DPH6: variants seen among roughly 807,000 people sequenced by gnomAD.
DPH6 encodes diphthine--ammonia ligase.
Under a neutral mutation model 38.2 loss-of-function variants are expected in DPH6, and 33 were observed. That is an observed-to-expected ratio of 0.86 (90% CI 0.65 to 1.15). DPH6 has a LOEUF of 1.15. Ranked by LOEUF, DPH6 falls within the 50% of genes most tolerant of loss-of-function variation. DPH6 has a pLI of 0.00. For synonymous variants in DPH6, 108 were observed against 103.0 expected, an observed-to-expected ratio of 1.05 and a Z score of -0.30; for missense variants, 325 against 320.0, an observed-to-expected ratio of 1.02 and a Z score of -0.12.
chr15:35,378,680 A>G (rs1019211899), intron 7 of DPH6, among the ~76,000 whole-genome samples: 6 of 152,196 alleles, frequency 3.9e-5, no homozygotes, highest in African/African-American at 1.4e-4. Flanking sequence ...TTTCAGGGAC[A>G]AGGATGAAGC....
rs772949681 is a variant in DPH6, at chr15:35,542,510, A to G, written c.24-3T>C. ...TATAGCAGCTGTCCTTCCCACCACT[A>G]AACAATAAATCAAGAGAGGGACAAA... On this transcript the variant is annotated splice_region_variant and splice_polypyrimidine_tract_variant and intron_variant, in intron 1 of 8. Coordinates refer to ENST00000256538, the MANE Select transcript of DPH6 (RefSeq NM_080650.4). The G allele has an allele frequency of 1.9e-6, 3 of 1,543,374 alleles. No individual in the cohort carries two copies. The highest frequency in any genetic ancestry group is 2.7e-6 in the Non-Finnish European group (3 of 1,126,802).
intron 3 of DPH6, among the ~76,000 whole-genome samples, chr15:35,535,454 A>G (rs979988492): frequency 6.6e-6 from 1 of 152,202 alleles, no homozygotes; most frequent in African/African-American, 2.4e-5. Context: ...ATAAACCAAG[A>G]AAAAGGAAGA....
At chr15:35,239,221 T>C (rs189873031) in intron 3 of DPH6, among the ~76,000 whole-genome samples, 13,117 of 143,546 alleles carry the variant, frequency 0.091, 2,156 homozygotes, top group African/African-American at 0.14. Context: ...AAGCGGCCTC[T>C]TTTTACTCTC....
At chr15:35,521,782 C>G (rs1338697167) in intron 3 of DPH6, 7 of 1,236,436 alleles carry the variant, frequency 5.7e-6, no homozygotes, top group Non-Finnish European at 7.1e-6. Context: ...ATTGTTGATT[C>G]ATATACAAGC....
chr15:35,444,056 C>T (rs2053820913), intron 5 of DPH6, among the ~76,000 whole-genome samples: 1 of 152,160 alleles, frequency 6.6e-6, no homozygotes, highest in South Asian at 2.1e-4. Context: ...CACTGCTATA[C>T]TCTGGCCCAG....
In DPH6 at chr15:35,352,559, C is replaced by T. The variant is rs533039292; in HGVS notation, n.207+20962G>A. The stretch of plus-strand genomic sequence containing the variant: ...GGTTTTTTGTCCTTGCGATAGTTTG[C>T]TGAGAATGATGGTTTCCAGCTTCAT... On this transcript the variant is annotated intron_variant and non_coding_transcript_variant, in intron 3 of 3. Coordinates refer to the DPH6 transcript ENST00000558973. Among the ~76,000 whole-genome samples the T allele has an allele frequency of 1.6e-3, 250 of 152,236 alleles. 1 individual carries two copies. Among genetic ancestry groups the T allele is most frequent in the Non-Finnish European group, 3.0e-3 (206 of 68,030 alleles).
chr15:35,302,320 G>C (rs1483336339), intron 3 of DPH6, among the ~76,000 whole-genome samples: 2 of 152,078 alleles, frequency 1.3e-5, no homozygotes, highest in Admixed American at 6.5e-5. Flanking sequence ...ATGATCATTT[G>C]TTTCTTTATT....
intron 3 of DPH6, among the ~76,000 whole-genome samples, chr15:35,235,311 G>C (rs1476070780): frequency 2.0e-5 from 3 of 152,170 alleles, no homozygotes; most frequent in Non-Finnish European, 4.4e-5. Context: ...TCCCATGCAA[G>C]ACAACTTTTG....
intron 3 of DPH6, among the ~76,000 whole-genome samples, chr15:35,310,719 AC>A (rs2052134019): frequency 6.6e-6 from 1 of 151,976 alleles, no homozygotes. Context: ...CCTTCTGATT[AC>A]TAATAGTACC....
At chr15:35,149,684 A>G in the DPH6 span, among the ~76,000 whole-genome samples, 4 of 152,180 alleles carry the variant, frequency 2.6e-5, no homozygotes, top group African/African-American at 9.7e-5. Flanking sequence ...TGCAAAGCCA[A>G]TGTACACTTT....
intron 3 of DPH6, among the ~76,000 whole-genome samples, chr15:35,340,858 G>T (rs1385706845): frequency 6.6e-6 from 1 of 151,878 alleles, no homozygotes; most frequent in African/African-American, 2.4e-5. Context: ...ATGTGTCTGG[G>T]GATTGATCTT....
intron 3 of DPH6, among the ~76,000 whole-genome samples, chr15:35,257,741 T>C (rs1233833570): frequency 6.6e-6 from 1 of 151,134 alleles, no homozygotes; most frequent in African/African-American, 2.4e-5. Context: ...ATGCTAGCAC[T>C]CAAAACAGTA....
chr15:35,294,315 TA>T (rs1412842477), intron 3 of DPH6, among the ~76,000 whole-genome samples: 2 of 152,204 alleles, frequency 1.3e-5, no homozygotes, highest in South Asian at 2.1e-4. Context: ...GAAGCTGCCT[TA>T]GACTTGCTGT....
chr15:35,342,068 T>C (rs1164383796), intron 3 of DPH6, among the ~76,000 whole-genome samples: 9 of 152,170 alleles, frequency 5.9e-5, no homozygotes, highest in African/African-American at 2.2e-4. Flanking sequence ...CTGGCTGGAA[T>C]TGCAAGCCAG....
intron 3 of DPH6, among the ~76,000 whole-genome samples, chr15:35,270,079 GT>G (rs1555390286): frequency 4.7e-5 from 7 of 150,412 alleles, no homozygotes; most frequent in South Asian, 2.1e-4. Flanking sequence ...GATTACAGGC[GT>G]GAGCCACCGC....
intron 5 of DPH6, among the ~76,000 whole-genome samples, chr15:35,445,898 TTC>T (rs1443689252): frequency 1.3e-5 from 2 of 152,230 alleles, no homozygotes; most frequent in Non-Finnish European, 2.9e-5. Context: ...GCAGAGCAGT[TTC>T]TGTCTCCAGT....
intron 3 of DPH6, among the ~76,000 whole-genome samples, chr15:35,526,212 G>A (rs1019037002): frequency 6.6e-6 from 1 of 152,154 alleles, no homozygotes; most frequent in South Asian, 2.1e-4. Context: ...ACCTAGGAAA[G>A]AATCCGTAAG....
At chr15:35,183,566 A>C in the DPH6 span, among the ~76,000 whole-genome samples, 1 of 152,234 alleles carries the variant, frequency 6.6e-6, no homozygotes, top group African/African-American at 2.4e-5. Flanking sequence ...GTATCTTTAA[A>C]AATATTAACT....
chr15:35,520,190 A>T, intron 3 of DPH6: 2 of 526,842 alleles, frequency 3.8e-6, no homozygotes, highest in Non-Finnish European at 4.8e-6. Flanking sequence ...GCTACAGATC[A>T]ATCACTCTCA....
Sources: gnomAD v4.1 joint callset for allele counts (sites outside exome capture counted in the v4.1 genomes callset) on GRCh38, gnomAD v4.1.1 for gene constraint, MANE v1.5 for transcripts, NCBI Gene and HGNC (gene_info 2026-07-23, HGNC 2026-07-21) for gene names.